Variants in GRIP1 observed in about 807,000 individuals in gnomAD.
GRIP1 encodes glutamate receptor-interacting protein 1.
A neutral mutation model predicts 129.9 loss-of-function variants in GRIP1; 45 were observed. The ratio of observed to expected loss-of-function variants is 0.35; its 90% confidence interval spans 0.27 to 0.44. The LOEUF is 0.44. GRIP1 is among the 20% of genes least tolerant of loss of function. The pLI is 1.00. For synonymous variants in GRIP1, 530 were observed against 520.8 expected, an observed-to-expected ratio of 1.02 and a Z score of -0.24; for missense variants, 1,196 against 1,396.8, an observed-to-expected ratio of 0.86 and a Z score of 2.29.
intron 1 of GRIP1, among the ~76,000 whole-genome samples, chr12:66,887,993 C>T (rs551143146): frequency 2.0e-5 from 3 of 152,286 alleles, no homozygotes; most frequent in East Asian, 3.9e-4. Context: ...GTTCTAACCC[C>T]GGTGATTCTG....
chr12:66,567,722 A>T (rs1187217135), intron 2 of GRIP1: 2 of 219,604 alleles, frequency 9.1e-6, no homozygotes, highest in Non-Finnish European at 2.0e-5. Flanking sequence ...ATTCCCCTTC[A>T]GTTGAGCAGA....
intron 1 of GRIP1, among the ~76,000 whole-genome samples, chr12:66,855,069 G>A (rs1485561646): frequency 1.3e-5 from 2 of 151,820 alleles, no homozygotes; most frequent in Admixed American, 6.6e-5. Context: ...TGGCGTGTGT[G>A]AGGAGTGGGG....
In GRIP1 at chr12:66,803,834, G is replaced by A. The variant is rs545082114; in HGVS notation, c.-420+219C>T. ...AATTAATTTCACCTAAAATATTAAC[G>A]ATGTGTACAGACCTTGGCTGGTGAC... is the stretch of plus-strand genomic sequence containing the variant. On this transcript the variant is annotated intron_variant, in intron 1 of 4. Transcript: ENST00000538373. 6 of 161,116 alleles carry A rather than the reference G, an allele frequency of 3.7e-5. No individual in the cohort carries two copies. In the South Asian group the frequency reaches 1.1e-3, roughly 28 times the overall value. 10.0% of individuals were successfully genotyped at this position (161,116 alleles called of 1,614,324 possible).
chr12:66,922,353 C>T (rs116490229), intron 1 of GRIP1, among the ~76,000 whole-genome samples: 1 of 152,270 alleles, frequency 6.6e-6, no homozygotes, highest in South Asian at 2.1e-4. Flanking sequence ...AAAACCAGGA[C>T]TCCGTGTTCT....
upstream of GRIP1, among the ~76,000 whole-genome samples, chr12:66,680,133 G>C (rs984734319): frequency 9.9e-5 from 15 of 152,056 alleles, no homozygotes; most frequent in Admixed American, 5.9e-4. Context: ...AAAATGAAAA[G>C]ATATATCACT....
intron 1 of GRIP1, among the ~76,000 whole-genome samples, chr12:66,996,267 C>G (rs1368511713): frequency 6.6e-6 from 1 of 152,032 alleles, no homozygotes; most frequent in African/African-American, 2.4e-5. Context: ...AATGAAGTCA[C>G]TGGCTTGCAC....
chr12:66,534,007 C>T (rs1212629297), intron 4 of GRIP1, among the ~76,000 whole-genome samples: 1 of 152,098 alleles, frequency 6.6e-6, no homozygotes, highest in Non-Finnish European at 1.5e-5. Context: ...TTTTAGCAGT[C>T]AGTTCTCCTT....
chr12:66,412,748 C>A (rs2057447384), intron 15 of GRIP1, among the ~76,000 whole-genome samples: 1 of 152,144 alleles, frequency 6.6e-6, no homozygotes, highest in African/African-American at 2.4e-5. Flanking sequence ...ACCTATCTCA[C>A]ATGCAGTGAC....
At chr12:66,352,669 G>T (rs1363862575) in intron 24 of GRIP1, among the ~76,000 whole-genome samples, 1 of 143,984 alleles carries the variant, frequency 6.9e-6, no homozygotes, top group Non-Finnish European at 1.5e-5. Flanking sequence ...GGAGGCAGAG[G>T]TTGCAGTGAG....
chr12:66,887,843 C>A (rs1237035302), intron 1 of GRIP1, among the ~76,000 whole-genome samples: 1 of 152,004 alleles, frequency 6.6e-6, no homozygotes, highest in Non-Finnish European at 1.5e-5. Flanking sequence ...GCACCCTCCA[C>A]CAAAAGAGAA....
At chr12:66,435,283 C>G (rs1407173793) in intron 13 of GRIP1, among the ~76,000 whole-genome samples, 1 of 150,240 alleles carries the variant, frequency 6.7e-6, no homozygotes, top group Non-Finnish European at 1.5e-5. Context: ...TTCACTGCAG[C>G]CTTGACCTCT....
intron 1 of GRIP1, among the ~76,000 whole-genome samples, chr12:66,717,954 G>A (rs1336940812): frequency 6.6e-6 from 1 of 152,128 alleles, no homozygotes; most frequent in Non-Finnish European, 1.5e-5. Flanking sequence ...TCCTGGGTGT[G>A]CCAGGAAAGA....
At chr12:66,503,005 G>A (rs566662794) in intron 7 of GRIP1, among the ~76,000 whole-genome samples, 2 of 152,254 alleles carry the variant, frequency 1.3e-5, no homozygotes, top group South Asian at 2.1e-4. Context: ...GGAATGTCAG[G>A]TGATTATCAG....
intron 1 of GRIP1, among the ~76,000 whole-genome samples, chr12:66,616,795 T>C (rs2065055488): frequency 6.6e-6 from 1 of 152,102 alleles, no homozygotes; most frequent in South Asian, 2.1e-4. Flanking sequence ...GCACTGCCTC[T>C]CTGTTCCTCA....
intron 2 of GRIP1, among the ~76,000 whole-genome samples, chr12:66,554,149 C>T (rs566246037): frequency 6.6e-5 from 10 of 152,246 alleles, no homozygotes; most frequent in Admixed American, 5.2e-4. Context: ...CAAAAGTGAC[C>T]CCTTCCATCT....
intron 1 of GRIP1, among the ~76,000 whole-genome samples, chr12:66,843,145 T>C (rs2039751365): frequency 1.3e-5 from 2 of 151,950 alleles, no homozygotes; most frequent in Non-Finnish European, 2.9e-5. Context: ...TCCTGAAGAG[T>C]ATACTACCAT....
At chr12:66,626,096 G>C (rs1436047244) in intron 1 of GRIP1, among the ~76,000 whole-genome samples, 1 of 152,028 alleles carries the variant, frequency 6.6e-6, no homozygotes, top group Non-Finnish European at 1.5e-5. Flanking sequence ...AGGCCGACGT[G>C]GGCAGATCAA....
At chr12:66,665,151 G>A (rs7956451) in intron 1 of GRIP1, among the ~76,000 whole-genome samples, 4,787 of 152,098 alleles carry the variant, frequency 0.031, 241 homozygotes, top group African/African-American at 0.11. Flanking sequence ...CAGGTAACTG[G>A]CATGCACCAC....
At chr12:66,394,539 G>T (rs576856286) in intron 16 of GRIP1, among the ~76,000 whole-genome samples, 187 bp from the exon 17 acceptor site, 56 of 152,310 alleles carry the variant, frequency 3.7e-4, no homozygotes, top group African/African-American at 1.3e-3. Flanking sequence ...TATAATCATT[G>T]TCAGTGCCAG....
Sources: gnomAD v4.1 joint callset for allele counts (sites outside exome capture counted in the v4.1 genomes callset) on GRCh38, gnomAD v4.1.1 for gene constraint, MANE v1.5 for transcripts, NCBI Gene and HGNC (gene_info 2026-07-23, HGNC 2026-07-21) for gene names.